YAP1: variants seen among roughly 807,000 people sequenced by gnomAD.
The protein encoded by YAP1 is transcriptional coactivator YAP1.
Under a neutral mutation model 56.9 loss-of-function variants are expected in YAP1, and 5 were observed. The observed-to-expected ratio is 0.09, with a 90% CI of 0.05 to 0.18. The LOEUF (loss-of-function observed/expected upper bound fraction) is 0.18. Ranked by LOEUF, YAP1 falls within the 10% of genes least tolerant of loss-of-function variation. The pLI is 1.00. For missense variants in YAP1, 539 were observed against 651.8 expected, an observed-to-expected ratio of 0.83 and a Z score of 1.88; for synonymous variants, 265 against 248.1, an observed-to-expected ratio of 1.07 and a Z score of -0.64.
At chr11:102,190,961 G>A (rs992377161) in intron 4 of YAP1, among the ~76,000 whole-genome samples, 1 of 151,846 alleles carries the variant, frequency 6.6e-6, no homozygotes, top group Non-Finnish European at 1.5e-5. Context: ...TGGATCATGA[G>A]GTTAGAGATC....
At chr11:102,147,260 C>A (rs1241111519) in intron 2 of YAP1, among the ~76,000 whole-genome samples, 1 of 152,180 alleles carries the variant, frequency 6.6e-6, no homozygotes, top group Admixed American at 6.5e-5. Flanking sequence ...ATGTAATCCT[C>A]ATTATAGCCA....
intron 4 of YAP1, among the ~76,000 whole-genome samples, chr11:102,192,286 A>G (rs765194255): frequency 7.9e-5 from 12 of 152,018 alleles, no homozygotes; most frequent in Non-Finnish European, 1.3e-4. Flanking sequence ...TTCTTTATCA[A>G]TTTACTCACT....
intron 2 of YAP1, among the ~76,000 whole-genome samples, chr11:102,144,891 T>G (rs982134856): frequency 1.3e-5 from 2 of 149,944 alleles, no homozygotes; most frequent in Non-Finnish European, 3.0e-5. Context: ...CACACACTCA[T>G]GCTCACACAC....
chr11:102,162,616 C>T, intron 3 of YAP1, 45 bp downstream of exon 3: 1 of 1,572,354 alleles, frequency 6.4e-7, no homozygotes, highest in Non-Finnish European at 8.8e-7. Flanking sequence ...AATGCTTACG[C>T]ATTGGTAAAA....
At position 102,197,194 on chromosome 11, in the gene YAP1, A is replaced by G. The variant is rs1200847611; in HGVS notation, c.803-8699A>G. 3.3e-5 allele frequency among the ~76,000 whole-genome samples: 5 copies of G among 152,212 alleles called. No individual in the cohort carries two copies. In the South Asian group the frequency reaches 6.2e-4, roughly 19 times the overall value. On this transcript the variant is annotated intron_variant, in intron 4 of 8. Transcript: ENST00000282441. The stretch of plus-strand genomic sequence containing the variant: ...GAGGAAAACCCAAATATTTCTTCTA[A>G]ATGTTTTGAACAAGTTAATATAGCT...
At chr11:102,148,564 T>C (rs1157451791) in intron 2 of YAP1, among the ~76,000 whole-genome samples, 1 of 152,124 alleles carries the variant, frequency 6.6e-6, no homozygotes, top group Non-Finnish European at 1.5e-5. Flanking sequence ...TCCATGAGAG[T>C]TCATGATACT....
chr11:102,196,586 A>G (rs1051674705), intron 4 of YAP1, among the ~76,000 whole-genome samples: 3 of 151,704 alleles, frequency 2.0e-5, no homozygotes, highest in Non-Finnish European at 4.4e-5. Flanking sequence ...GTGAACTGCT[A>G]ATGGATACAG....
intron 3 of YAP1, among the ~76,000 whole-genome samples, chr11:102,177,441 T>G (rs1947323813): frequency 6.6e-6 from 1 of 151,994 alleles, no homozygotes; most frequent in Non-Finnish European, 1.5e-5. Context: ...CATGGAAATG[T>G]GAAAGTTTAT....
intron 4 of YAP1, among the ~76,000 whole-genome samples, chr11:102,205,568 G>T (rs1374941831): frequency 6.7e-6 from 1 of 150,296 alleles, no homozygotes; most frequent in African/African-American, 2.5e-5. Flanking sequence ...ATTCACCCCC[G>T]CTCCCTTCCC....
chr11:102,213,506 G>A (rs1949515345), intron 6 of YAP1, among the ~76,000 whole-genome samples: 1 of 151,936 alleles, frequency 6.6e-6, no homozygotes, highest in South Asian at 2.1e-4. Context: ...AAAAGAATTT[G>A]GTTCTTAATA....
intron 5 of YAP1, among the ~76,000 whole-genome samples, chr11:102,206,944 A>G (rs1378643517): frequency 1.5e-5 from 2 of 130,498 alleles, no homozygotes; most frequent in African/African-American, 3.0e-5. Context: ...CATAGTAGAG[A>G]GCTTTGAAGC....
chr11:102,142,762 T>A (rs538802832), intron 2 of YAP1, among the ~76,000 whole-genome samples: 2 of 152,256 alleles, frequency 1.3e-5, no homozygotes, highest in African/African-American at 4.8e-5. Flanking sequence ...AATTTTTTTT[T>A]ATTTTATGAG....
At chr11:102,134,302 C>A (rs1944542847) in intron 2 of YAP1, among the ~76,000 whole-genome samples, 1 of 151,954 alleles carries the variant, frequency 6.6e-6, no homozygotes, top group South Asian at 2.1e-4. Context: ...CATACTTAAT[C>A]TGTTAACTGT....
At chr11:102,177,363 G>A (rs1947321041) in intron 3 of YAP1, among the ~76,000 whole-genome samples, 1 of 152,174 alleles carries the variant, frequency 6.6e-6, no homozygotes, top group Non-Finnish European at 1.5e-5. Context: ...TCATGTGGCT[G>A]TGGTACATAC....
At chr11:102,219,866 G>A (rs1949836626) in intron 6 of YAP1, among the ~76,000 whole-genome samples, 1 of 151,786 alleles carries the variant, frequency 6.6e-6, no homozygotes, top group Admixed American at 6.6e-5. Context: ...TGAGTAGCTG[G>A]GACTACAGGC....
rs138792421 is a variant in YAP1, at chr11:102,223,896, T to A, written c.1163+144T>A. The A allele has an allele frequency of 1.2e-5, 13 of 1,089,328 alleles. No homozygotes were observed. The African/African-American group carries it at 1.4e-4, about 12-fold the overall frequency. The allele number at this position is 1,089,328 out of a possible 1,614,324, so 67.5% of individuals were successfully genotyped here. A position where few individuals can be genotyped will look rare whatever the true frequency, so the allele number is the denominator to read the frequency against. Reference sequence around the variant, plus strand: ...AATGAATCTCTCTGTAAATGGCAAGTACATGCAGAGTTGAGGATTAAAAGT... The same window carrying A: ...AATGAATCTCTCTGTAAATGGCAAGAACATGCAGAGTTGAGGATTAAAAGT... On this transcript the variant is annotated intron_variant, in intron 7 of 8. Coordinates refer to ENST00000282441, the MANE Select transcript of YAP1 (RefSeq NM_001130145.3).
At chr11:102,171,873 C>CT (rs1362141360) in intron 3 of YAP1, among the ~76,000 whole-genome samples, 3 of 152,104 alleles carry the variant, frequency 2.0e-5, no homozygotes, top group Non-Finnish European at 2.9e-5. Context: ...CTAAGACAGA[C>CT]TTTTTTTATA....
intron 4 of YAP1, among the ~76,000 whole-genome samples, chr11:102,194,451 G>A (rs1948468560): frequency 6.6e-6 from 1 of 152,192 alleles, no homozygotes; most frequent in Non-Finnish European, 1.5e-5. Context: ...ATTACTAATA[G>A]CATCCTCCTA....
intron 4 of YAP1, among the ~76,000 whole-genome samples, chr11:102,195,034 A>G (rs1416313436): frequency 4.6e-5 from 7 of 152,138 alleles, no homozygotes; most frequent in African/African-American, 1.7e-4. Flanking sequence ...CTGGTATTAC[A>G]GGTGCAAATC....
Sources: allele counts gnomAD v4.1 joint callset (sites outside exome capture counted in the v4.1 genomes callset), GRCh38; gene constraint gnomAD v4.1.1; transcripts MANE v1.5; gene names NCBI Gene and HGNC (gene_info 2026-07-23, HGNC 2026-07-21).